MAG: variants seen among roughly 807,000 people sequenced by gnomAD.
The protein encoded by MAG is myelin associated glycoprotein.
Under a neutral mutation model 60.7 loss-of-function variants are expected in MAG, and 30 were observed. That is an observed-to-expected ratio of 0.49 (90% CI 0.37 to 0.67). MAG has a LOEUF of 0.67. Ranked by LOEUF, MAG falls within the 30% of genes least tolerant of loss-of-function variation. The pLI, the probability that MAG is intolerant of heterozygous loss-of-function variation, is 0.00. For missense variants in MAG, 795 were observed against 851.7 expected (o/e 0.93, Z 0.83); for synonymous variants, 384 against 376.8 (o/e 1.02, Z -0.22).
chr19:35,309,721 GAC>G, intron 7 of MAG, 151 bp from the exon 8 acceptor site: 1 of 828,920 alleles, frequency 1.2e-6, no homozygotes, highest in Non-Finnish European at 1.9e-6. Context: ...TCTCAGTCAG[GAC>G]AGAGAAAAAA....
Position 35,313,295 on chromosome 19 carries a change from G to A in MAG, c.1722G>A (p.Glu574=), listed in dbSNP as rs2066542209. ...ISGAPEKYES[E]RRLGSERRLL... ...TGGGCGGTTTCCCCTCTTAGAGCGA[G>A]AGGCGCCTGGGATCTGAGAGGAGGC... is the stretch of plus-strand genomic sequence containing the variant. Residue 574 remains glutamate, a synonymous_variant, in exon 11 of 11, where the codon GAG becomes GAA. Coordinates refer to ENST00000392213, the MANE Select transcript of MAG (RefSeq NM_002361.4). 1.2e-6 allele frequency: 2 copies of A among 1,613,296 alleles called. No individual in the cohort carries two copies. The highest frequency in any genetic ancestry group is 2.2e-5 in the East Asian group (1 of 44,872).
Position 35,296,196 on chromosome 19 carries a change from A to G in MAG, c.415+215A>G, listed in dbSNP as rs527414756. Among the ~76,000 whole-genome samples, 4 of 152,326 alleles carry G rather than the reference A, an allele frequency of 2.6e-5. No individual in the cohort carries two copies. In the South Asian group the frequency reaches 8.3e-4, roughly 32 times the overall value. Reference sequence around the variant, plus strand: ...GCCCCAAAATAGTCTTGCTGCCCTCAGGGGGAAACAGGTGCTGCTACTCTT... The same window carrying G: ...GCCCCAAAATAGTCTTGCTGCCCTCGGGGGGAAACAGGTGCTGCTACTCTT... On this transcript the variant is annotated intron_variant, in intron 4 of 10. Transcript: ENST00000392213.
At position 35,310,630 on chromosome 19, in the gene MAG, C is replaced by T; in HGVS notation, c.1603C>T (p.Gln535Ter). 1.2e-6 allele frequency: 2 copies of T among 1,614,054 alleles called. No individual in the cohort carries two copies. Among genetic ancestry groups the T allele is most frequent in the Non-Finnish European group, 1.7e-6 (2 of 1,180,018 alleles). Reference sequence around the variant, plus strand: ...GATTGCCATCGTCTGCTACATTACCCAGACACGCAGGAAGTGAGTGCCAGC... The same window carrying T: ...GATTGCCATCGTCTGCTACATTACCTAGACACGCAGGAAGTGAGTGCCAGC... Reference protein sequence around the residue: ...ILIAIVCYITQTRRKKNVTES... With the variant: ...ILIAIVCYIT Residue 535 changes from glutamine to a stop codon, truncating the protein, a stop_gained, in exon 9 of 11, where the codon CAG becomes TAG. Coordinates refer to ENST00000392213, the MANE Select transcript of MAG (RefSeq NM_002361.4). LOFTEE classifies it high-confidence loss of function.
intron 1 of MAG, 36 bp from the exon 2 acceptor site, chr19:35,294,199 G>A (rs538714668): frequency 2.2e-5 from 9 of 404,430 alleles, no homozygotes; most frequent in African/African-American, 6.4e-5. Flanking sequence ...CCTCAATCCC[G>A]CCCCCTTGCA....
chr19:35,295,545 G>A lies in MAG; in HGVS notation c.47-68G>A, dbSNP rs965295757. 1.7e-4 allele frequency: 275 copies of A among 1,602,424 alleles called. 1 individual carries two copies. The Middle Eastern group carries it at 1.9e-3, about 11-fold the overall frequency. On this transcript the variant is annotated intron_variant, in intron 3 of 10. Coordinates refer to ENST00000392213, the MANE Select transcript of MAG (RefSeq NM_002361.4). This position sits in a 1 kb window ranked among gnomAD's most constrained non-coding sequence, Gnocchi z 5.8. ...CGCAGCCCCCCGGCATGTGGTTGGG[G>A]ATGGGAGCCGGAGGGGGTGATCGGG... is the stretch of plus-strand genomic sequence containing the variant.
chr19:35,310,025 G>A lies in MAG; in HGVS notation c.1383G>A (p.Val461=), dbSNP rs2066514505. The change falls in exon 8 of 11, where the codon GTG becomes GTA. Residue 461 remains valine, a synonymous_variant. Coordinates refer to ENST00000392213, the MANE Select transcript of MAG (RefSeq NM_002361.4). Reference sequence around the variant, plus strand: ...TGAACGAGAGCGAGCGGGAGTTCGTGTACTCGGAGCGCAGCGGCCTCGTGC... The same window carrying A: ...TGAACGAGAGCGAGCGGGAGTTCGTATACTCGGAGCGCAGCGGCCTCGTGC... ...VTVNESEREF[V]YSERSGLVLT... is the part of the protein sequence containing the mutation. 2 of 1,613,838 alleles carry A rather than the reference G, an allele frequency of 1.2e-6. No homozygotes were observed. Among genetic ancestry groups the A allele is most frequent in the South Asian group, 1.1e-5 (1 of 91,094 alleles).
chr19:35,304,317 T>G (rs2066469064), intron 7 of MAG, among the ~76,000 whole-genome samples: 2 of 152,106 alleles, frequency 1.3e-5, no homozygotes, highest in Non-Finnish European at 2.9e-5. Context: ...CTGATCCCTG[T>G]TACACCCCAC....
At chr19:35,308,399 T>TGGTC (rs1024704280) in intron 7 of MAG, among the ~76,000 whole-genome samples, 6 of 152,128 alleles carry the variant, frequency 3.9e-5, no homozygotes, top group African/African-American at 1.4e-4. Flanking sequence ...AGAGAGTGTG[T>TGGTC]GGTCAGGCAG....
At chr19:35,312,314 G>C in intron 10 of MAG, 1 of 1,613,200 alleles carries the variant, frequency 6.2e-7, no homozygotes, top group Non-Finnish European at 8.5e-7. Flanking sequence ...ATCTCACTGA[G>C]TGCCCCAGGA....
chr19:35,313,482 A>T lies in MAG; in HGVS notation c.*28A>T. On this transcript the variant is annotated 3_prime_UTR_variant, in exon 11 of 11. Transcript: ENST00000392213. The stretch of plus-strand genomic sequence containing the variant: ...GAGCTGGGGGCAGCCTGCGTGGCTG[A>T]CCCCCCTCAGGACCCTCGCTGGCCC... 6.3e-7 allele frequency: 1 copy of T among 1,587,530 alleles called. No homozygotes were observed. Among genetic ancestry groups the T allele is most frequent in the South Asian group, 1.1e-5 (1 of 88,600 alleles).
intron 7 of MAG, among the ~76,000 whole-genome samples, chr19:35,305,289 G>A (rs577792047): frequency 2.6e-5 from 4 of 152,266 alleles, no homozygotes; most frequent in African/African-American, 9.6e-5. Flanking sequence ...TGACAGTGGT[G>A]GTGACCCTTG....
chr19:35,292,449 C>A (rs752480640), intron 1 of MAG, among the ~76,000 whole-genome samples: 12 of 152,022 alleles, frequency 7.9e-5, no homozygotes, highest in Non-Finnish European at 1.3e-4. Flanking sequence ...CTCAGCACCC[C>A]TTGTGGGTGA....
rs1316068203 is a variant in MAG, at chr19:35,297,560, G to A, written c.415+1579G>A. Among the ~76,000 whole-genome samples, 5 of 108,504 alleles carry A rather than the reference G, an allele frequency of 4.6e-5. 1 individual carries two copies. The highest frequency in any genetic ancestry group is 1.5e-4 in the African/African-American group (4 of 27,198). The allele number at this position is 108,504 out of a possible 152,430, so 71.2% of individuals were successfully genotyped here. ...CTACATAAACCACACATCACACACT[G>A]CACATACTACCCACGTACCACACAC... On this transcript the variant is annotated intron_variant, in intron 4 of 10. Transcript: ENST00000392213.
At chr19:35,297,214 C>CAA (rs2066405167) in intron 4 of MAG, among the ~76,000 whole-genome samples, 1 of 95,058 alleles carries the variant, frequency 1.1e-5, no homozygotes, top group Non-Finnish European at 2.5e-5. Flanking sequence ...ACCACACACA[C>CAA]CACACCAAGC....
rs2066385702 is a variant in MAG at position 35,295,074 on chromosome 19, A to AC, written c.-23-308dup. On this transcript the variant is annotated intron_variant, in intron 2 of 10. Coordinates refer to ENST00000392213, the MANE Select transcript of MAG (RefSeq NM_002361.4). This position sits in a 1 kb window ranked among gnomAD's most constrained non-coding sequence, Gnocchi z 5.8. ...AGACCAGCCTGGGCAACATAGTAAG[A>AC]CCCCACCTCCACAACCATTTCCACA... Among the ~76,000 whole-genome samples, 1 of 152,064 alleles carries AC rather than the reference A, an allele frequency of 6.6e-6. No homozygotes were observed. The highest frequency in any genetic ancestry group is 1.5e-5 in the Non-Finnish European group (1 of 68,014).
intron 7 of MAG, among the ~76,000 whole-genome samples, chr19:35,304,294 C>T (rs541990352): frequency 6.6e-6 from 1 of 152,242 alleles, no homozygotes; most frequent in South Asian, 2.1e-4. Context: ...CAGCTTCCCC[C>T]TCTGGTTGTC....
chr19:35,313,576 G>A lies in MAG; in HGVS notation c.*122G>A, dbSNP rs1406962208. 3 of 1,014,662 alleles carry A rather than the reference G, an allele frequency of 3.0e-6. No individual in the cohort carries two copies. Among genetic ancestry groups the A allele is most frequent in the East Asian group, 2.7e-5 (1 of 37,542 alleles). 62.9% of individuals were successfully genotyped at this position (1,014,662 alleles called of 1,614,324 possible). A position where few individuals can be genotyped will look rare whatever the true frequency, so the allele number is the denominator to read the frequency against. Reference sequence around the variant, plus strand: ...GGGGCAGGAGGGGAGTGAGGCAGGTGACAGTGAGGTCCTGGGGGCCTGACC... The same window carrying A: ...GGGGCAGGAGGGGAGTGAGGCAGGTAACAGTGAGGTCCTGGGGGCCTGACC... On this transcript the variant is annotated 3_prime_UTR_variant, in exon 11 of 11. Transcript: ENST00000392213.
At position 35,293,245 on chromosome 19, in the gene MAG, C is replaced by A. The variant is rs1371349008; in HGVS notation, c.-79-990C>A. ...CTCAGTGTGTGTGTGCAGTTCCTTG[C>A]ATCTTTGTTAGCCTGGCATGCATGC... On this transcript the variant is annotated intron_variant, in intron 1 of 10. Coordinates refer to ENST00000392213, the MANE Select transcript of MAG (RefSeq NM_002361.4). The surrounding 1 kb of genome is among the most constrained non-coding windows in gnomAD (Gnocchi z 4.0). Among the ~76,000 whole-genome samples the A allele has an allele frequency of 6.6e-6, 1 of 151,208 alleles. No homozygotes were observed.
At position 35,298,726 on chromosome 19, in the gene MAG, ACACACAC is replaced by A. The variant is rs1009830250; in HGVS notation, c.416-813_416-807del. On this transcript the variant is annotated intron_variant, in intron 4 of 10. Transcript: ENST00000392213. Reference sequence around the variant, plus strand: ...ACTCACACCACACAAACCACACCACACACACACCACACACCACACACACCACGTACTA... The same window carrying A: ...ACTCACACCACACAAACCACACCACACACACACCACACACACCACGTACTA... Among the ~76,000 whole-genome samples the A allele has an allele frequency of 5.4e-5, 8 of 149,062 alleles. No homozygotes were observed. The East Asian group carries it at 1.4e-3, about 26-fold the overall frequency.
Sources: gnomAD v4.1 joint callset for allele counts (sites outside exome capture counted in the v4.1 genomes callset) on GRCh38, gnomAD v4.1.1 for gene constraint, Gnocchi (gnomAD v3.1) non-coding constraint, MANE v1.5 for transcripts, NCBI Gene and HGNC (gene_info 2026-07-23, HGNC 2026-07-21) for gene names.